EHMT1: variants seen among roughly 807,000 people sequenced by gnomAD.
EHMT1 encodes euchromatic histone lysine methyltransferase 1, also known as histone-lysine N-methyltransferase EHMT1.
EHMT1 carries 15 observed loss-of-function variants against 147.2 expected under a neutral mutation model. The ratio of observed to expected loss-of-function variants is 0.10; its 90% CI spans 0.07 to 0.16. The LOEUF is 0.16. Ranked by LOEUF, EHMT1 falls within the 10% of genes least tolerant of loss-of-function variation. The pLI is 1.00. For missense variants in EHMT1, 1,587 were observed against 1,772.4 expected, an observed-to-expected ratio of 0.90 and a Z score of 1.88; for synonymous variants, 795 against 709.6, an observed-to-expected ratio of 1.12 and a Z score of -1.91.
intron 1 of EHMT1, among the ~76,000 whole-genome samples, chr9:137,646,697 T>TTGGA (rs1418061860): frequency 6.6e-6 from 1 of 152,250 alleles, no homozygotes; most frequent in Admixed American, 6.5e-5. Flanking sequence ...TCTGGCCGAA[T>TTGGA]TGGAGGCTGG....
chr9:137,676,867 C>T (rs1045565067), intron 1 of EHMT1, among the ~76,000 whole-genome samples: 6 of 151,658 alleles, frequency 4.0e-5, no homozygotes, highest in Admixed American at 1.3e-4. Flanking sequence ...GTAAGCAGGA[C>T]TCCATCCCGC....
At chr9:137,702,492 A>C (rs915198486) in intron 1 of EHMT1, among the ~76,000 whole-genome samples, 2 of 152,128 alleles carry the variant, frequency 1.3e-5, no homozygotes, top group Non-Finnish European at 2.9e-5. Context: ...CTTTGACTCC[A>C]TGTCTCACTT....
At chr9:137,648,056 T>C (rs1051003227) in intron 1 of EHMT1, among the ~76,000 whole-genome samples, 1 of 152,126 alleles carries the variant, frequency 6.6e-6, no homozygotes, top group African/African-American at 2.4e-5. Context: ...CCCTTTCATA[T>C]TTTTTTGGCA....
chr9:137,643,590 T>A (rs1425150659), intron 1 of EHMT1, among the ~76,000 whole-genome samples: 1 of 151,928 alleles, frequency 6.6e-6, no homozygotes, highest in Non-Finnish European at 1.5e-5. Context: ...CCTCGTGATC[T>A]GCCCACCTTG....
intron 1 of EHMT1, among the ~76,000 whole-genome samples, chr9:137,632,336 C>A (rs1036537353): frequency 1.8e-4 from 28 of 152,192 alleles, no homozygotes; most frequent in African/African-American, 6.5e-4. Context: ...ACAGAAGGCA[C>A]TTGAAAGGTG....
chr9:137,728,096 C>T lies in EHMT1; in HGVS notation c.643-253C>T, dbSNP rs547889784. 3.3e-5 allele frequency among the ~76,000 whole-genome samples: 5 copies of T among 152,328 alleles called. No homozygotes were observed. In the South Asian group the frequency reaches 1.0e-3, roughly 32 times the overall value. ...CCTCCTGCTCATTCCTCCTTCTGGC[C>T]TTTAGCCCTGTAAATGCTGTTCTTA... On this transcript the variant is annotated intron_variant, in intron 3 of 26. Coordinates refer to ENST00000460843, the MANE Select transcript of EHMT1 (RefSeq NM_024757.5).
chr9:137,622,829 C>A (rs1843013359), intron 1 of EHMT1, among the ~76,000 whole-genome samples: 2 of 151,420 alleles, frequency 1.3e-5, no homozygotes, highest in African/African-American at 4.9e-5. Flanking sequence ...ATCGCTTGAT[C>A]CCAGGAGGCC....
intron 1 of EHMT1, among the ~76,000 whole-genome samples, chr9:137,692,462 G>A (rs779437285): frequency 1.2e-4 from 18 of 151,680 alleles, no homozygotes; most frequent in African/African-American, 9.7e-5. Context: ...ACGGGGTTTC[G>A]CTGTGTTGGC....
chr9:137,653,357 G>A (rs1013359675), intron 1 of EHMT1, among the ~76,000 whole-genome samples: 2 of 152,132 alleles, frequency 1.3e-5, no homozygotes, highest in Non-Finnish European at 2.9e-5. Flanking sequence ...GCCTCGGTGC[G>A]TAGTAGGCAT....
At position 137,827,013 on chromosome 9, in the gene EHMT1, G is replaced by A. The variant is rs557902340; in HGVS notation, c.3541-7336G>A. On this transcript the variant is annotated intron_variant, in intron 25 of 26. Transcript: ENST00000460843. The stretch of plus-strand genomic sequence containing the variant: ...CTTGACTCGCTTGTCATGTTGGCCG[G>A]GGGGTCCCCGCCTCCTCCCCCACAC... Among the ~76,000 whole-genome samples, 9 of 152,296 alleles carry A rather than the reference G, an allele frequency of 5.9e-5. No homozygotes were observed. In the South Asian group the frequency reaches 1.9e-3, roughly 32 times the overall value.
intron 1 of EHMT1, among the ~76,000 whole-genome samples, chr9:137,663,463 T>C (rs1939298521): frequency 6.6e-6 from 1 of 152,188 alleles, no homozygotes; most frequent in African/African-American, 2.4e-5. Flanking sequence ...CTCAGAATCC[T>C]CAGCACACTT....
At chr9:137,682,377 G>A (rs1252657661) in intron 1 of EHMT1, among the ~76,000 whole-genome samples, 12 of 152,134 alleles carry the variant, frequency 7.9e-5, no homozygotes, top group Admixed American at 5.9e-4. Context: ...GTTATGTGAG[G>A]AAATACTGAG....
chr9:137,755,914 G>C (rs766685861), intron 8 of EHMT1, among the ~76,000 whole-genome samples: 2 of 152,074 alleles, frequency 1.3e-5, no homozygotes, highest in Non-Finnish European at 2.9e-5. Flanking sequence ...TTCTCATTGG[G>C]TTAAAAGAGT....
At chr9:137,696,776 G>C (rs1943429532) in intron 1 of EHMT1, among the ~76,000 whole-genome samples, 1 of 152,198 alleles carries the variant, frequency 6.6e-6, no homozygotes, top group Non-Finnish European at 1.5e-5. Flanking sequence ...ATATGTGAAA[G>C]TTGACACACC....
At chr9:137,781,830 T>C (rs926337696) in intron 14 of EHMT1, among the ~76,000 whole-genome samples, 3 of 152,232 alleles carry the variant, frequency 2.0e-5, no homozygotes, top group Non-Finnish European at 4.4e-5. Context: ...TGTCATGGAC[T>C]TCACAGGACA....
chr9:137,669,665 TGCCTTTA>T (rs1940300991), intron 1 of EHMT1, among the ~76,000 whole-genome samples: 1 of 151,806 alleles, frequency 6.6e-6, no homozygotes, highest in East Asian at 1.9e-4. Flanking sequence ...GAGCATTCAT[TGCCTTTA>T]GTACACAGAC....
chr9:137,756,736 A>G (rs1564701851), intron 8 of EHMT1, among the ~76,000 whole-genome samples: 2 of 152,254 alleles, frequency 1.3e-5, no homozygotes, highest in East Asian at 3.8e-4. Flanking sequence ...CTTGGCTGTA[A>G]TGTGCAAAAT....
intron 25 of EHMT1, among the ~76,000 whole-genome samples, chr9:137,822,318 C>T (rs530380164): frequency 1.6e-4 from 24 of 152,296 alleles, no homozygotes; most frequent in East Asian, 5.8e-4. Flanking sequence ...TCTGCCATCA[C>T]GAGGAAACCT....
At chr9:137,634,005 G>A in intron 1 of EHMT1, among the ~76,000 whole-genome samples, 1 of 151,962 alleles carries the variant, frequency 6.6e-6, no homozygotes, top group East Asian at 1.9e-4. Flanking sequence ...TAGAGTCAGG[G>A]TTTCACCATG....
Sources: allele counts gnomAD v4.1 joint callset (sites outside exome capture counted in the v4.1 genomes callset), GRCh38; gene constraint gnomAD v4.1.1; transcripts MANE v1.5; gene names NCBI Gene and HGNC (gene_info 2026-07-23, HGNC 2026-07-21).